RALB: variants seen among roughly 807,000 people sequenced by gnomAD.
The protein encoded by RALB is RAS like proto-oncogene B, also known as ras-related protein Ral-B.
Under a neutral mutation model 21.3 loss-of-function variants are expected in RALB, and 16 were observed. The observed-to-expected ratio is 0.75, with a 90% CI of 0.51 to 1.14. The LOEUF (loss-of-function observed/expected upper bound fraction) is 1.14, where lower values mean the gene tolerates loss of function less well. RALB is among the 50% of genes most tolerant of loss of function. RALB has a pLI of 0.00. For synonymous variants in RALB, 93 were observed against 96.1 expected (o/e 0.97, Z 0.19); for missense variants, 161 against 256.2 (o/e 0.63, Z 2.54).
At chr2:120,286,150 TA>T in intron 3 of RALB, 68 bp downstream of exon 3, 1 of 1,376,718 alleles carries the variant, frequency 7.3e-7, no homozygotes, top group Non-Finnish European at 1.0e-6. Context: ...GTCTTAGGCC[TA>T]TGAAGAATTT....
chr2:120,283,508 CAT>C (rs1171252756), intron 2 of RALB, among the ~76,000 whole-genome samples: 1 of 152,144 alleles, frequency 6.6e-6, no homozygotes, highest in Non-Finnish European at 1.5e-5. Context: ...TGGAAGGAGC[CAT>C]AGTCCCAGAG....
intron 1 of RALB, among the ~76,000 whole-genome samples, chr2:120,265,897 C>T (rs1249874240): frequency 6.6e-6 from 1 of 152,222 alleles, no homozygotes; most frequent in Non-Finnish European, 1.5e-5. Flanking sequence ...GTTAGGAGTC[C>T]AGTAGCTCTA....
intron 1 of RALB, among the ~76,000 whole-genome samples, chr2:120,246,501 G>A (rs1176769278): frequency 6.6e-6 from 1 of 152,228 alleles, no homozygotes; most frequent in Non-Finnish European, 1.5e-5. Context: ...ACGTCTAACA[G>A]TGCCAAGCCC....
At chr2:120,261,415 A>T (rs566404859) in intron 1 of RALB, among the ~76,000 whole-genome samples, 6 of 152,150 alleles carry the variant, frequency 3.9e-5, no homozygotes, top group Non-Finnish European at 5.9e-5. Context: ...TTGTTGAAGG[A>T]GCTCTGAGGG....
At chr2:120,281,085 G>A (rs1444471140) in intron 2 of RALB, among the ~76,000 whole-genome samples, 1 of 152,184 alleles carries the variant, frequency 6.6e-6, no homozygotes, top group Non-Finnish European at 1.5e-5. Flanking sequence ...CCTCAGCTGA[G>A]TCCTCTGCTC....
chr2:120,266,175 G>A (rs3896631), intron 1 of RALB, among the ~76,000 whole-genome samples: 36,154 of 152,166 alleles, frequency 0.24, 6,703 homozygotes, highest in African/African-American at 0.52. Flanking sequence ...AACACTTTGG[G>A]AGGCTGAGGC....
chr2:120,248,295 C>T (rs968865959), upstream of RALB, among the ~76,000 whole-genome samples: 3 of 152,186 alleles, frequency 2.0e-5, no homozygotes, highest in Admixed American at 6.5e-5. Context: ...TGAATACACT[C>T]CTGCCAGCTC....
chr2:120,287,860 C>G (rs1690205171), intron 3 of RALB, among the ~76,000 whole-genome samples: 1 of 152,246 alleles, frequency 6.6e-6, no homozygotes, highest in Admixed American at 6.5e-5. Flanking sequence ...TTGTTGGGAA[C>G]AGAAGAATGC....
At chr2:120,261,398 T>G (rs548124045) in intron 1 of RALB, among the ~76,000 whole-genome samples, 50 of 152,122 alleles carry the variant, frequency 3.3e-4, no homozygotes, top group African/African-American at 1.1e-3. Flanking sequence ...GTGGAAGGTT[T>G]GTAGATTTGT....
Position 120,240,274 on chromosome 2 carries a change from C to CTTTTTT in RALB, c.19+150_19+155dup, listed in dbSNP as rs1371241309. ...ACAGCATGTACTCATGGAGCTGCTA[C>CTTTTTT]TTTTTTATTTTTATTTTTATTTTTT... On this transcript the variant is annotated intron_variant, in intron 1 of 3. Coordinates refer to the RALB transcript ENST00000447591. 3 of 525,390 alleles carry CTTTTTT rather than the reference C, an allele frequency of 5.7e-6. No homozygotes were observed. In the African/African-American group the frequency reaches 7.6e-5, roughly 13 times the overall value. The allele number at this position is 525,390 out of a possible 1,614,324, so 32.5% of individuals were successfully genotyped here. A position where few individuals can be genotyped will look rare whatever the true frequency, so the allele number is the denominator to read the frequency against.
At chr2:120,280,241 A>T (rs1689954582) in intron 2 of RALB, among the ~76,000 whole-genome samples, 1 of 152,230 alleles carries the variant, frequency 6.6e-6, no homozygotes. Context: ...AATGCCATGT[A>T]GTCACATGCA....
At chr2:120,279,760 C>T (rs1689939280) in intron 2 of RALB, among the ~76,000 whole-genome samples, 1 of 152,172 alleles carries the variant, frequency 6.6e-6, no homozygotes, top group Non-Finnish European at 1.5e-5. Flanking sequence ...GCATTGCGGC[C>T]ACATGGCTTT....
At chr2:120,277,342 C>T (rs1188921000) in intron 1 of RALB, among the ~76,000 whole-genome samples, 3 of 144,578 alleles carry the variant, frequency 2.1e-5, no homozygotes, top group Non-Finnish European at 4.5e-5. Context: ...GTGGTGTGAG[C>T]ATGTGAACAT....
intron 1 of RALB, among the ~76,000 whole-genome samples, chr2:120,265,157 A>G (rs529545403): frequency 6.6e-6 from 1 of 152,336 alleles, no homozygotes; most frequent in East Asian, 1.9e-4. Flanking sequence ...GCTTTTAAGC[A>G]ATGTCAGTGT....
intron 1 of RALB, among the ~76,000 whole-genome samples, chr2:120,255,157 G>C (rs1689167137): frequency 6.6e-6 from 1 of 152,172 alleles, no homozygotes; most frequent in Admixed American, 6.5e-5. Flanking sequence ...GAACTCTGTA[G>C]TTTTCCAGTG....
At position 120,294,060 on chromosome 2, in the gene RALB, T is replaced by C; in HGVS notation, c.*800T>C. On this transcript the variant is annotated 3_prime_UTR_variant, in exon 5 of 5. Coordinates refer to ENST00000272519, the MANE Select transcript of RALB (RefSeq NM_002881.3). ...TGTAGATATTTTTAAGTTCTTTGGC[T>C]AAGTCCTCTCCTAACTGCCTGTCCT... 1 of 397,842 alleles carries C rather than the reference T, an allele frequency of 2.5e-6. No homozygotes were observed. The highest frequency in any genetic ancestry group is 3.6e-5 in the East Asian group (1 of 28,056). 24.6% of individuals were successfully genotyped at this position (397,842 alleles called of 1,614,324 possible). A position where few individuals can be genotyped will look rare whatever the true frequency, so the allele number is the denominator to read the frequency against.
chr2:120,250,532 G>C (rs1689037435), upstream of RALB, among the ~76,000 whole-genome samples: 1 of 152,248 alleles, frequency 6.6e-6, no homozygotes, highest in Non-Finnish European at 1.5e-5. Context: ...GAGTAGAAAT[G>C]TTTGTCAGAC....
At chr2:120,275,754 G>A (rs1378654008) in intron 1 of RALB, among the ~76,000 whole-genome samples, 1 of 152,172 alleles carries the variant, frequency 6.6e-6, no homozygotes, top group Non-Finnish European at 1.5e-5. Flanking sequence ...TCGTAAAGTG[G>A]CCTCGTTGTC....
At chr2:120,265,293 C>G (rs925360376) in intron 1 of RALB, among the ~76,000 whole-genome samples, 1 of 152,168 alleles carries the variant, frequency 6.6e-6, no homozygotes, top group Non-Finnish European at 1.5e-5. Flanking sequence ...TACCGAATAC[C>G]GTGGGCAGTT....
Sources: gnomAD v4.1 joint callset for allele counts (sites outside exome capture counted in the v4.1 genomes callset) on GRCh38, gnomAD v4.1.1 for gene constraint, MANE v1.5 for transcripts, NCBI Gene and HGNC (gene_info 2026-07-23, HGNC 2026-07-21) for gene names.